RBFOX1: variants seen among roughly 807,000 people sequenced by gnomAD.
The protein encoded by RBFOX1 is RNA binding protein fox-1 homolog 1.
Under a neutral mutation model 57.7 loss-of-function variants are expected in RBFOX1, and 8 were observed. That is an observed-to-expected ratio of 0.14 (90% CI 0.08 to 0.25). The LOEUF (loss-of-function observed/expected upper bound fraction) is 0.25. Ranked by LOEUF, RBFOX1 falls within the 10% of genes least tolerant of loss-of-function variation. The pLI, the probability that RBFOX1 is intolerant of heterozygous loss-of-function variation, is 1.00. For synonymous variants in RBFOX1, 326 were observed against 222.4 expected (o/e 1.47, Z -4.15); for missense variants, 611 against 548.5 (o/e 1.11, Z -1.14).
At chr16:7,170,210 C>A (rs557667217) in intron 4 of RBFOX1, among the ~76,000 whole-genome samples, 12 of 152,126 alleles carry the variant, frequency 7.9e-5, no homozygotes, top group Admixed American at 2.0e-4. Context: ...CAGATTAATA[C>A]TTTTTAAAAC....
intron 2 of RBFOX1, among the ~76,000 whole-genome samples, chr16:6,407,422 T>C (rs1307682088): frequency 6.6e-6 from 1 of 152,136 alleles, no homozygotes; most frequent in Non-Finnish European, 1.5e-5. Context: ...TATCTATGCT[T>C]ATATACTATC....
intron 4 of RBFOX1, among the ~76,000 whole-genome samples, chr16:6,008,306 GT>G (rs1364547733): frequency 1.3e-5 from 2 of 151,266 alleles, no homozygotes; most frequent in Admixed American, 6.6e-5. Flanking sequence ...GGAGTGTGGT[GT>G]TCCTGAAGCC....
intron 1 of RBFOX1, among the ~76,000 whole-genome samples, chr16:6,143,001 A>G (rs779965203): frequency 1.3e-5 from 2 of 152,220 alleles, no homozygotes; most frequent in Non-Finnish European, 2.9e-5. Flanking sequence ...GCAAGGTAAT[A>G]GTATTTTTTC....
intron 2 of RBFOX1, among the ~76,000 whole-genome samples, chr16:5,547,948 T>C (rs987722497): frequency 2.0e-5 from 3 of 151,686 alleles, no homozygotes; most frequent in African/African-American, 7.3e-5. Context: ...TCCCCTGAGG[T>C]CAGGAGTTCC....
chr16:6,543,513 T>A (rs980736812), intron 2 of RBFOX1, among the ~76,000 whole-genome samples: 2 of 152,186 alleles, frequency 1.3e-5, no homozygotes, highest in South Asian at 4.1e-4. Context: ...CTGAGATCTT[T>A]CCGCCTGCAT....
intron 1 of RBFOX1, among the ~76,000 whole-genome samples, chr16:5,372,603 G>C (rs1338206801): frequency 6.6e-6 from 1 of 152,150 alleles, no homozygotes; most frequent in Admixed American, 6.5e-5. Flanking sequence ...GCCCCTGTGG[G>C]GAGCAGGGCT....
At chr16:7,167,009 A>G (rs1395918795) in intron 4 of RBFOX1, among the ~76,000 whole-genome samples, 3 of 19,260 alleles carry the variant, frequency 1.6e-4, no homozygotes, top group Non-Finnish European at 2.3e-4. Flanking sequence ...TTTTTTTTTG[A>G]CAGTTTCTTT....
intron 4 of RBFOX1, among the ~76,000 whole-genome samples, chr16:7,113,378 T>A (rs1023559363): frequency 1.3e-5 from 2 of 152,178 alleles, no homozygotes; most frequent in Non-Finnish European, 2.9e-5. Flanking sequence ...CAGTAAAGAT[T>A]CTTACAAAGC....
intron 3 of RBFOX1, among the ~76,000 whole-genome samples, chr16:6,951,804 G>T (rs143020659): frequency 1.3e-5 from 2 of 152,094 alleles, no homozygotes; most frequent in Admixed American, 6.6e-5. Flanking sequence ...CATAATCCAG[G>T]CTCACTGCAA....
intron 1 of RBFOX1, among the ~76,000 whole-genome samples, chr16:5,415,472 A>T (rs895423216): frequency 1.1e-4 from 16 of 152,186 alleles, no homozygotes; most frequent in African/African-American, 3.9e-4. Context: ...ACCATATCAC[A>T]CGGTGATGGA....
intron 4 of RBFOX1, among the ~76,000 whole-genome samples, chr16:5,933,779 TTTTTTTTTG>T (rs2059115940): frequency 7.4e-6 from 1 of 135,628 alleles, no homozygotes; most frequent in Non-Finnish European, 1.6e-5. Context: ...CCACAAGGTG[TTTTTTTTTG>T]TTTTTTTTTT....
chr16:6,380,398 A>ATTTTTTTTTTTTTTT (rs60498960), intron 2 of RBFOX1, among the ~76,000 whole-genome samples: 1 of 49,160 alleles, frequency 2.0e-5, no homozygotes, highest in Non-Finnish European at 3.7e-5. Context: ...AATGGTGGGG[A>ATTTTTTTTTTTTTTT]TTTTTTTTTT....
chr16:5,605,843 G>A (rs985527604), intron 3 of RBFOX1, among the ~76,000 whole-genome samples: 1 of 152,102 alleles, frequency 6.6e-6, no homozygotes, highest in Admixed American at 6.5e-5. Flanking sequence ...GGTAATGTCT[G>A]CCTTGAGAAC....
intron 3 of RBFOX1, among the ~76,000 whole-genome samples, chr16:6,905,660 C>T (rs747686370): frequency 3.9e-5 from 6 of 152,082 alleles, no homozygotes; most frequent in Admixed American, 2.0e-4. Flanking sequence ...ATTGCCCCCA[C>T]CATCACCACC....
intron 3 of RBFOX1, among the ~76,000 whole-genome samples, chr16:7,007,642 C>T (rs577116675): frequency 1.5e-3 from 225 of 152,268 alleles, no homozygotes; most frequent in Non-Finnish European, 2.7e-3. Context: ...ATGTACGTTT[C>T]TACTCTTTCT....
At chr16:7,308,342 G>A (rs1189770826) in intron 4 of RBFOX1, among the ~76,000 whole-genome samples, 1 of 147,306 alleles carries the variant, frequency 6.8e-6, no homozygotes, top group Non-Finnish European at 1.5e-5. Context: ...AAGAGGATCA[G>A]TAGCATATTA....
At chr16:5,718,306 C>G (rs185654013) in intron 3 of RBFOX1, among the ~76,000 whole-genome samples, 3 of 152,280 alleles carry the variant, frequency 2.0e-5, no homozygotes, top group African/African-American at 4.8e-5. Context: ...ACAACCAGAC[C>G]TGAGGTTTGA....
At chr16:7,148,145 A>G (rs370050922) in intron 4 of RBFOX1, among the ~76,000 whole-genome samples, 1 of 152,218 alleles carries the variant, frequency 6.6e-6, no homozygotes, top group Admixed American at 6.5e-5. Flanking sequence ...AAAGCAAAAA[A>G]TGCTGTTCTC....
chr16:5,446,199 C>A (rs952269298), intron 1 of RBFOX1, among the ~76,000 whole-genome samples: 3 of 152,078 alleles, frequency 2.0e-5, no homozygotes, highest in African/African-American at 7.2e-5. Flanking sequence ...AGTCTAGAAA[C>A]TGACACCCAC....
Sources: allele counts gnomAD v4.1 joint callset (sites outside exome capture counted in the v4.1 genomes callset), GRCh38; gene constraint gnomAD v4.1.1; transcripts MANE v1.5; gene names NCBI Gene and HGNC (gene_info 2026-07-23, HGNC 2026-07-21).